PREX1: variants seen among roughly 807,000 people sequenced by gnomAD.
PREX1 encodes phosphatidylinositol-3,4,5-trisphosphate dependent Rac exchange factor 1, also known as phosphatidylinositol 3,4,5-trisphosphate-dependent Rac exchanger 1 protein.
PREX1 carries 41 observed loss-of-function variants against 198.3 expected under a neutral mutation model. That is an observed-to-expected ratio of 0.21 (90% confidence interval 0.16 to 0.27). The LOEUF (loss-of-function observed/expected upper bound fraction) is 0.27. Ranked by LOEUF, PREX1 falls within the 10% of genes least tolerant of loss-of-function variation. The probability of loss-of-function intolerance (pLI) is 1.00; values close to 1 mark genes in which losing one functional copy is unlikely to be tolerated. For missense variants in PREX1, 1,620 were observed against 2,200.7 expected (o/e 0.74, Z 5.28); for synonymous variants, 843 against 887.2 (o/e 0.95, Z 0.89).
chr20:48,880,628 C>T, the PREX1 span, among the ~76,000 whole-genome samples: 1 of 152,076 alleles, frequency 6.6e-6, no homozygotes, highest in African/African-American at 2.4e-5. Context: ...TTGGAAGTTC[C>T]AGCCCAAAAC....
the PREX1 span, among the ~76,000 whole-genome samples, chr20:48,878,106 C>G: frequency 1.3e-5 from 2 of 152,008 alleles, no homozygotes; most frequent in African/African-American, 4.8e-5. Context: ...GAGACTCTGT[C>G]TCACACACAA....
chr20:48,637,469 C>T (rs1601032210), intron 31 of PREX1, among the ~76,000 whole-genome samples: 1 of 152,252 alleles, frequency 6.6e-6, no homozygotes, highest in East Asian at 1.9e-4. Flanking sequence ...CGTCCTCTAT[C>T]CCGGGGCCCC....
chr20:48,817,363 G>A (rs1675366977), intron 1 of PREX1, among the ~76,000 whole-genome samples: 1 of 152,176 alleles, frequency 6.6e-6, no homozygotes, highest in Admixed American at 6.5e-5. Context: ...AGGATCTCAG[G>A]CAGTGTGTTC....
intron 33 of PREX1, among the ~76,000 whole-genome samples, chr20:48,633,986 G>GC (rs1568791588): frequency 4.6e-5 from 7 of 152,078 alleles, no homozygotes; most frequent in South Asian, 2.1e-4. Flanking sequence ...ATGGATGATG[G>GC]TTGGATGGAT....
intron 15 of PREX1, among the ~76,000 whole-genome samples, chr20:48,661,466 T>TAC (rs1235389252): frequency 1.2e-4 from 12 of 101,368 alleles, no homozygotes; most frequent in African/African-American, 2.2e-4. Flanking sequence ...TATATATATA[T>TAC]ATACACACAC....
intron 24 of PREX1, 73 bp from the exon 25 acceptor site, chr20:48,649,649 C>T: frequency 6.8e-7 from 1 of 1,459,976 alleles, no homozygotes; most frequent in South Asian, 1.4e-5. Context: ...CGGAACAATA[C>T]AAACCCATTT....
At chr20:48,778,584 C>T (rs563722244) in intron 1 of PREX1, among the ~76,000 whole-genome samples, 93 of 151,416 alleles carry the variant, frequency 6.1e-4, no homozygotes, top group Non-Finnish European at 7.4e-5. Context: ...AGTGAGACTC[C>T]GTCTCTAAAA....
rs760481314 is a variant in PREX1 at position 48,657,330 on chromosome 20, G to A, written c.1975-142C>T. On this transcript the variant is annotated intron_variant, in intron 17 of 39. Coordinates refer to ENST00000371941, the MANE Select transcript of PREX1 (RefSeq NM_020820.4). ...ACTGGGTGACTGCGTGCTGTCTGTG[G>A]TAAGCAGTTGAGGGGCACAAGGGAC... 2.9e-6 allele frequency: 3 copies of A among 1,051,698 alleles called. No individual in the cohort carries two copies. The South Asian group carries it at 4.7e-5, about 17-fold the overall frequency. The allele number at this position is 1,051,698 out of a possible 1,614,324, so 65.1% of individuals were successfully genotyped here.
Position 48,630,940 on chromosome 20 carries a change from C to A in PREX1, c.4527-146G>T. On this transcript the variant is annotated intron_variant, in intron 35 of 39. Coordinates refer to ENST00000371941, the MANE Select transcript of PREX1 (RefSeq NM_020820.4). ...TCCCTGAGAGCGCCTGCAGGCTGTG[C>A]TCACCCGCAGGCACCTGTTCCTACA... 1.4e-5 allele frequency: 9 copies of A among 652,654 alleles called. 1 individual carries two copies. The South Asian group carries it at 1.6e-4, about 12-fold the overall frequency. 40.4% of individuals were successfully genotyped at this position (652,654 alleles called of 1,614,324 possible).
intron 35 of PREX1, 49 bp downstream of exon 35, chr20:48,632,228 C>A (rs765394636): frequency 6.4e-7 from 1 of 1,573,012 alleles, no homozygotes; most frequent in Admixed American, 1.7e-5. Context: ...GCCCACTCCA[C>A]GTGGAGGTTT....
At chr20:48,683,665 T>A (rs2089766672) in intron 10 of PREX1, among the ~76,000 whole-genome samples, 1 of 152,188 alleles carries the variant, frequency 6.6e-6, no homozygotes, top group South Asian at 2.1e-4. Flanking sequence ...GTGTAGCCCA[T>A]CATGGCCCAT....
chr20:48,703,122 C>T (rs926501953), intron 6 of PREX1, among the ~76,000 whole-genome samples: 6 of 152,332 alleles, frequency 3.9e-5, no homozygotes, highest in South Asian at 2.1e-4. Flanking sequence ...GAACTGGTTC[C>T]GGCAGCTGAG....
At chr20:48,652,734 C>G in intron 20 of PREX1, 28 bp from the exon 21 acceptor site, 1 of 1,601,540 alleles carries the variant, frequency 6.2e-7, no homozygotes, top group Non-Finnish European at 8.5e-7. Flanking sequence ...AAGGGGACAG[C>G]CATGGTGCCG....
At position 48,821,394 on chromosome 20, in the gene PREX1, C is replaced by T. The variant is rs553931162; in HGVS notation, c.219+6248G>A. ...ACCTGCAAAACAAGGAGATTCAGACCGAATGACCCACCTGGCTTCTGTTCA... is the reference window on the plus strand; with the variant it reads ...ACCTGCAAAACAAGGAGATTCAGACTGAATGACCCACCTGGCTTCTGTTCA... On this transcript the variant is annotated intron_variant, in intron 1 of 39. Coordinates refer to ENST00000371941, the MANE Select transcript of PREX1 (RefSeq NM_020820.4). Among the ~76,000 whole-genome samples, 8 of 152,254 alleles carry T rather than the reference C, an allele frequency of 5.3e-5. No homozygotes were observed. The South Asian group carries it at 6.2e-4, about 12-fold the overall frequency.
chr20:48,720,651 T>C lies in PREX1; in HGVS notation c.621+5639A>G, dbSNP rs549097922. Among the ~76,000 whole-genome samples the C allele has an allele frequency of 3.9e-5, 6 of 152,006 alleles. No individual in the cohort carries two copies. In the East Asian group the frequency reaches 1.2e-3, roughly 29 times the overall value. On this transcript the variant is annotated intron_variant, in intron 5 of 39. Transcript: ENST00000371941. The stretch of plus-strand genomic sequence containing the variant: ...TCTGCTCTGGTGCCACCTAAAATCT[T>C]CTGGAAAGCTATGAGTAGTATACGT...
chr20:48,771,845 A>G (rs2090237559), intron 1 of PREX1, among the ~76,000 whole-genome samples: 1 of 152,206 alleles, frequency 6.6e-6, no homozygotes, highest in South Asian at 2.1e-4. Flanking sequence ...TAGAAGAAGC[A>G]TTCAGCAAGC....
In PREX1 at chr20:48,679,686, T is replaced by C. The variant is rs2089735543; in HGVS notation, c.1504A>G (p.Lys502Glu). ...ATGTCCTCCAGCTCACTTCGGGCCT[T>C]GTAGGTGCCATCGTCGTAGCGGAAG... ...YRFRYDDGTY[K>E]ARSELEDIMS... The change falls in exon 12 of 40, where the codon AAG (lysine) becomes GAG (glutamate). Residue 502 changes from lysine to glutamate, a missense_variant. Physicochemically the swap from Lys to Glu is moderately conservative, Grantham distance 56 (BLOSUM62 1). Coordinates refer to ENST00000371941, the MANE Select transcript of PREX1 (RefSeq NM_020820.4). The C allele has an allele frequency of 6.2e-7, 1 of 1,613,610 alleles. No individual in the cohort carries two copies. The highest frequency in any genetic ancestry group is 8.5e-7 in the Non-Finnish European group (1 of 1,179,520).
chr20:48,876,344 C>T, the PREX1 span, among the ~76,000 whole-genome samples: 1 of 152,174 alleles, frequency 6.6e-6, no homozygotes, highest in Non-Finnish European at 1.5e-5. Flanking sequence ...GTGGGATCCG[C>T]CCTTTGGAGG....
Position 48,624,312 on chromosome 20 carries a change from A to T in PREX1, c.*1573T>A, listed in dbSNP as rs1313261773. On this transcript the variant is annotated 3_prime_UTR_variant, in exon 40 of 40. Coordinates refer to ENST00000371941, the MANE Select transcript of PREX1 (RefSeq NM_020820.4). Reference sequence around the variant, plus strand: ...AATCTATCAAGAATTTAACGAGAAGAATCTGTACATTTTAAAGTAAACCAG... The same window carrying T: ...AATCTATCAAGAATTTAACGAGAAGTATCTGTACATTTTAAAGTAAACCAG... The T allele has an allele frequency of 1.3e-5, 2 of 152,574 alleles. No homozygotes were observed. Among genetic ancestry groups the T allele is most frequent in the East Asian group, 3.9e-4 (2 of 5,194 alleles). 9.5% of individuals were successfully genotyped at this position (152,574 alleles called of 1,614,324 possible).
Sources: gnomAD v4.1 joint callset for allele counts (sites outside exome capture counted in the v4.1 genomes callset) on GRCh38, gnomAD v4.1.1 for gene constraint, MANE v1.5 for transcripts, NCBI Gene and HGNC (gene_info 2026-07-23, HGNC 2026-07-21) for gene names.